Variants in BICDL1 observed in about 807,000 individuals in gnomAD.
The protein encoded by BICDL1 is BICD family like cargo adaptor 1, also known as BICD family-like cargo adapter 1.
In BICDL1, 20 loss-of-function variants were observed where a neutral mutation model predicts 76.8. The observed-to-expected ratio is 0.26, with a 90% CI of 0.18 to 0.38. The LOEUF (loss-of-function observed/expected upper bound fraction) is 0.38. Ranked by LOEUF, BICDL1 falls within the 10% of genes least tolerant of loss-of-function variation. The pLI is 1.00. For missense variants in BICDL1, 700 were observed against 798.6 expected (o/e 0.88, Z 1.49); for synonymous variants, 383 against 337.1 (o/e 1.14, Z -1.49).
At chr12:120,003,254 G>T (rs558269631) in intron 2 of BICDL1, among the ~76,000 whole-genome samples, 1 of 151,922 alleles carries the variant, frequency 6.6e-6, no homozygotes, top group Non-Finnish European at 1.5e-5. Context: ...CTGTGGAAGA[G>T]CTAAGGGAAC....
At chr12:119,997,829 GA>G (rs1951681321) in intron 1 of BICDL1, among the ~76,000 whole-genome samples, 1 of 152,026 alleles carries the variant, frequency 6.6e-6, no homozygotes, top group African/African-American at 2.4e-5. Flanking sequence ...AAAAAGTAAG[GA>G]GGGGGTGGGG....
intron 2 of BICDL1, among the ~76,000 whole-genome samples, chr12:120,052,285 CTT>C (rs1209185433): frequency 7.3e-6 from 1 of 136,998 alleles, no homozygotes; most frequent in Non-Finnish European, 1.6e-5. Flanking sequence ...CTCTTTCTAA[CTT>C]TTTCTTTCTT....
chr12:120,041,744 C>T (rs910714547), intron 2 of BICDL1, among the ~76,000 whole-genome samples: 4 of 151,992 alleles, frequency 2.6e-5, no homozygotes, highest in African/African-American at 7.3e-5. Flanking sequence ...ATGTTCCAGG[C>T]AGAGGGGAAT....
chr12:120,006,816 G>A (rs1951859437), intron 2 of BICDL1, among the ~76,000 whole-genome samples: 1 of 152,170 alleles, frequency 6.6e-6, no homozygotes, highest in South Asian at 2.1e-4. Context: ...TTTAGTCAGT[G>A]TGCTGGGAAG....
At chr12:120,074,733 G>T in intron 7 of BICDL1, 147 bp downstream of exon 7, 1 of 645,794 alleles carries the variant, frequency 1.5e-6, no homozygotes, top group South Asian at 4.6e-5. Flanking sequence ...CTGAAGTTGA[G>T]GTAAACTGAA....
chr12:120,059,752 A>G lies in BICDL1; in HGVS notation c.646-1958A>G, dbSNP rs542634845. Among the ~76,000 whole-genome samples the G allele has an allele frequency of 2.6e-5, 4 of 151,856 alleles. No individual in the cohort carries two copies. In the East Asian group the frequency reaches 7.8e-4, roughly 30 times the overall value. On this transcript the variant is annotated intron_variant, in intron 2 of 9. Coordinates refer to ENST00000548673, the MANE Select transcript of BICDL1 (RefSeq NM_001367886.1). ...GACAGGCTTTCACACTCTGTTGCCA[A>G]GGCTGTAGTGCAGTGGCAGCACGAT...
intron 2 of BICDL1, among the ~76,000 whole-genome samples, chr12:119,999,234 T>G (rs1186453865): frequency 6.6e-6 from 1 of 152,200 alleles, no homozygotes; most frequent in Non-Finnish European, 1.5e-5. Context: ...GATGCATGCT[T>G]GTGATTAACA....
intron 2 of BICDL1, among the ~76,000 whole-genome samples, chr12:120,035,686 G>A (rs1303440169): frequency 6.6e-6 from 1 of 152,044 alleles, no homozygotes; most frequent in African/African-American, 2.4e-5. Flanking sequence ...TCTATACAGA[G>A]TATAAAACAT....
chr12:120,063,890 A>G (rs1160685326), intron 3 of BICDL1, among the ~76,000 whole-genome samples: 1 of 152,020 alleles, frequency 6.6e-6, no homozygotes, highest in Non-Finnish European at 1.5e-5. Flanking sequence ...TCACCCTTCA[A>G]ACCTTGAGGC....
chr12:120,022,864 G>T (rs80287133), intron 2 of BICDL1, among the ~76,000 whole-genome samples: 1 of 152,276 alleles, frequency 6.6e-6, no homozygotes, highest in East Asian at 1.9e-4. Context: ...CAGTGAGACC[G>T]GTGCAGCTAC....
intron 2 of BICDL1, 49 bp downstream of exon 2, chr12:119,998,785 T>C: frequency 6.5e-7 from 1 of 1,544,744 alleles, no homozygotes; most frequent in South Asian, 1.2e-5. Flanking sequence ...AAAGTTGAAA[T>C]AGGCTGGGCA....
At chr12:120,074,330 A>T in intron 6 of BICDL1, 113 bp from the exon 7 acceptor site, 2 of 566,696 alleles carry the variant, frequency 3.5e-6, no homozygotes, top group Non-Finnish European at 4.5e-6. Context: ...TCATTCCTCC[A>T]CTCTCCCCCA....
intron 2 of BICDL1, among the ~76,000 whole-genome samples, chr12:120,014,192 A>G (rs1037573776): frequency 6.6e-5 from 10 of 152,218 alleles, no homozygotes. Context: ...TAGCAGACAG[A>G]AAGCTATTAT....
chr12:120,034,148 ATTAG>A (rs1952485800), intron 2 of BICDL1, among the ~76,000 whole-genome samples: 2 of 152,244 alleles, frequency 1.3e-5, no homozygotes, highest in Admixed American at 6.5e-5. Context: ...ATAAACTAGT[ATTAG>A]TTATAGACTA....
intron 2 of BICDL1, among the ~76,000 whole-genome samples, chr12:119,999,571 A>T (rs904531632): frequency 6.6e-6 from 1 of 152,246 alleles, no homozygotes; most frequent in Non-Finnish European, 1.5e-5. Flanking sequence ...CACATTTAGT[A>T]AACATTCTTT....
rs146342326 is a variant in BICDL1, at chr12:120,089,375, CGTGT to C, written c.1584-564_1584-561del. Among the ~76,000 whole-genome samples, 860 of 148,718 alleles carry C rather than the reference CGTGT, an allele frequency of 5.8e-3. 10 individuals are homozygous for C. Among genetic ancestry groups the C allele is most frequent in the African/African-American group, 0.02 (815 of 40,304 alleles). On this transcript the variant is annotated intron_variant, in intron 8 of 9. Transcript: ENST00000548673. ...GTGTGACGGAGTTCTGCTCTTTCAA[CGTGT>C]GTGTGTGTGTGGTGTGTGTGTGTGT...
chr12:120,072,367 T>A, intron 5 of BICDL1, 144 bp from the exon 6 acceptor site: 1 of 626,028 alleles, frequency 1.6e-6, no homozygotes, highest in Non-Finnish European at 2.7e-6. Flanking sequence ...ACAAATGAGT[T>A]AAAAAAAAAA....
At chr12:120,077,463 A>C (rs183760361) in intron 7 of BICDL1, among the ~76,000 whole-genome samples, 7 of 148,506 alleles carry the variant, frequency 4.7e-5, no homozygotes, top group African/African-American at 1.7e-4. Flanking sequence ...TAGTCTGTAG[A>C]ATATGAACAC....
intron 2 of BICDL1, among the ~76,000 whole-genome samples, chr12:120,034,186 C>T (rs764903387): frequency 5.9e-5 from 9 of 152,082 alleles, no homozygotes; most frequent in African/African-American, 1.5e-4. Flanking sequence ...TTTATCCCTA[C>T]GAATGAAATT....
Sources: allele counts gnomAD v4.1 joint callset (sites outside exome capture counted in the v4.1 genomes callset), GRCh38; gene constraint gnomAD v4.1.1; transcripts MANE v1.5; gene names NCBI Gene and HGNC (gene_info 2026-07-23, HGNC 2026-07-21).